Variants in DMRT1 observed in about 807,000 individuals in gnomAD.
DMRT1 encodes doublesex and mab-3 related transcription factor 1.
DMRT1 carries 7 observed loss-of-function variants against 32.3 expected under a neutral mutation model. The observed-to-expected ratio is 0.22, with a 90% confidence interval of 0.12 to 0.41. DMRT1 has a LOEUF of 0.41. Among genes scored for constraint, DMRT1 ranks in the 10% least tolerant of loss-of-function variants. The pLI is 1.00. For missense variants in DMRT1, 625 were observed against 500.5 expected (o/e 1.25, Z -2.37); for synonymous variants, 278 against 206.1 (o/e 1.35, Z -2.99).
At chr9:888,754 A>G (rs190700742) in intron 2 of DMRT1, among the ~76,000 whole-genome samples, 1 of 143,654 alleles carries the variant, frequency 7.0e-6, no homozygotes, top group East Asian at 1.9e-4. Context: ...AAGGTATCTC[A>G]TATTTTTAGG....
intron 2 of DMRT1, among the ~76,000 whole-genome samples, chr9:860,524 C>T (rs1018568): frequency 0.93 from 141,283 of 152,194 alleles, 65,729 homozygotes; most frequent in Middle Eastern, 0.98. Context: ...TATGGCTGCA[C>T]TGAGCCAGAT....
Position 947,464 on chromosome 9 carries a change from C to T in DMRT1, c.968-20521C>T, listed in dbSNP as rs1380291016. Among the ~76,000 whole-genome samples, 3 of 152,154 alleles carry T rather than the reference C, an allele frequency of 2.0e-5. No individual in the cohort carries two copies. In the East Asian group the frequency reaches 5.8e-4, roughly 29 times the overall value. ...TTGCTTCAGAAGTAATCACTCAATT[C>T]TAAATTATCCTCTCTTGTTTTGTAC... On this transcript the variant is annotated intron_variant, in intron 4 of 4. Coordinates refer to ENST00000382276, the MANE Select transcript of DMRT1 (RefSeq NM_021951.3).
intron 4 of DMRT1, among the ~76,000 whole-genome samples, chr9:951,317 G>A (rs1014778468): frequency 6.6e-6 from 1 of 152,176 alleles, no homozygotes; most frequent in African/African-American, 2.4e-5. Flanking sequence ...TAGCTCACTG[G>A]TAAATCACTT....
chr9:943,662 G>T (rs550249795), intron 4 of DMRT1, among the ~76,000 whole-genome samples: 26 of 152,172 alleles, frequency 1.7e-4, no homozygotes, highest in Non-Finnish European at 3.4e-4. Flanking sequence ...ATAGCGAAAT[G>T]GACTTCTTCT....
At chr9:932,139 T>C (rs1386666859) in intron 4 of DMRT1, among the ~76,000 whole-genome samples, 1 of 152,234 alleles carries the variant, frequency 6.6e-6, no homozygotes, top group Non-Finnish European at 1.5e-5. Context: ...AGATTGTTGC[T>C]CTTCTTTTCC....
At chr9:905,672 C>G (rs12378162) in intron 3 of DMRT1, among the ~76,000 whole-genome samples, 99,403 of 151,888 alleles carry the variant, frequency 0.65, 34,480 homozygotes, top group Middle Eastern at 0.79. Flanking sequence ...CAGGTGGACC[C>G]GTGAGGGGAA....
At position 856,959 on chromosome 9, in the gene DMRT1, C is replaced by G. The variant is rs142003230; in HGVS notation, c.538+9816C>G. ...GGTAATTAAAACCCTGCGAGAGTCT[C>G]TCATGACAAGTTTAGATTATGAAGG... On this transcript the variant is annotated intron_variant, in intron 2 of 4. Coordinates refer to ENST00000382276, the MANE Select transcript of DMRT1 (RefSeq NM_021951.3). 9.8e-5 allele frequency among the ~76,000 whole-genome samples: 15 copies of G among 152,334 alleles called. No homozygotes were observed. The East Asian group carries it at 2.7e-3, about 27-fold the overall frequency.
chr9:919,028 G>T (rs543304760), intron 4 of DMRT1, among the ~76,000 whole-genome samples: 5 of 152,148 alleles, frequency 3.3e-5, no homozygotes, highest in Non-Finnish European at 1.5e-5. Context: ...GGGAGGTGGG[G>T]CTGAGGCTAG....
At chr9:864,780 G>T (rs916906900) in intron 2 of DMRT1, among the ~76,000 whole-genome samples, 19 of 152,154 alleles carry the variant, frequency 1.2e-4, no homozygotes, top group Admixed American at 7.9e-4. Context: ...GATTACAGGC[G>T]TGAGCCACCG....
chr9:966,023 G>A (rs1819919996), intron 4 of DMRT1, among the ~76,000 whole-genome samples: 1 of 152,038 alleles, frequency 6.6e-6, no homozygotes, highest in Non-Finnish European at 1.5e-5. Flanking sequence ...TTGGGGGTGG[G>A]GACATTAACG....
At chr9:843,222 C>G (rs539878467) in intron 1 of DMRT1, among the ~76,000 whole-genome samples, 1 of 152,198 alleles carries the variant, frequency 6.6e-6, no homozygotes, top group African/African-American at 2.4e-5. Flanking sequence ...GAGGCTCGGC[C>G]GGCTGCTGCT....
rs182225686 is a variant in DMRT1, at chr9:860,756, C to G, written c.538+13613C>G. Among the ~76,000 whole-genome samples, 231 of 152,338 alleles carry G rather than the reference C, an allele frequency of 1.5e-3. 2 individuals carry two copies. The highest frequency in any genetic ancestry group is 2.7e-3 in the Non-Finnish European group (183 of 68,032). On this transcript the variant is annotated intron_variant, in intron 2 of 4. Coordinates refer to ENST00000382276, the MANE Select transcript of DMRT1 (RefSeq NM_021951.3). Reference sequence around the variant, plus strand: ...GGGTGGTCAAAGAAGGGAGGCCTCTCTAAGGAAGTTAAGTCAGAGCTAGTC... The same window carrying G: ...GGGTGGTCAAAGAAGGGAGGCCTCTGTAAGGAAGTTAAGTCAGAGCTAGTC...
At position 894,045 on chromosome 9, in the gene DMRT1, T is replaced by C; in HGVS notation, c.672T>C (p.Asn224=). ...CGTCTCTGTTTCCTTATTACAACAA[T>C]CTATACAACTGCCCGCAGTACTCCA... is the stretch of plus-strand genomic sequence containing the variant. ...YQPSLFPYYN[N]LYNCPQYSMA... is the part of the protein sequence containing the mutation. The change falls in exon 3 of 5, where the codon AAT becomes AAC. Residue 224 remains asparagine, a synonymous_variant. Coordinates refer to ENST00000382276, the MANE Select transcript of DMRT1 (RefSeq NM_021951.3). The C allele has an allele frequency of 6.2e-7, 1 of 1,614,238 alleles. No homozygotes were observed. Among genetic ancestry groups the C allele is most frequent in the Non-Finnish European group, 8.5e-7 (1 of 1,180,046 alleles).
In DMRT1 at chr9:883,522, C is replaced by T. The variant is rs765683255; in HGVS notation, c.539-10390C>T. On this transcript the variant is annotated intron_variant, in intron 2 of 4. Transcript: ENST00000382276. The stretch of plus-strand genomic sequence containing the variant: ...CCCCAAAAGGAGAGCCCGGGTGCAG[C>T]GACTCACACCTGTAATTCCAGCACT... 5.9e-5 allele frequency among the ~76,000 whole-genome samples: 9 copies of T among 151,672 alleles called. 1 individual carries two copies. In the South Asian group the frequency reaches 1.3e-3, roughly 21 times the overall value.
intron 2 of DMRT1, among the ~76,000 whole-genome samples, chr9:854,694 AG>A (rs57939183): frequency 0.45 from 67,502 of 151,468 alleles, 15,680 homozygotes; most frequent in Non-Finnish European, 0.52. Context: ...ATTAAGAAAA[AG>A]CTTTTCAGAT....
chr9:923,050 T>C (rs1184890977), intron 4 of DMRT1, among the ~76,000 whole-genome samples: 1 of 152,174 alleles, frequency 6.6e-6, no homozygotes, highest in Non-Finnish European at 1.5e-5. Flanking sequence ...AGTCTAGCAG[T>C]GCCTGATTTC....
chr9:885,888 A>G (rs994609542), intron 2 of DMRT1, among the ~76,000 whole-genome samples: 1 of 152,214 alleles, frequency 6.6e-6, no homozygotes, highest in Non-Finnish European at 1.5e-5. Flanking sequence ...AAGCCAGCAC[A>G]TTCTCTTGGA....
chr9:863,470 C>T (rs528803291), intron 2 of DMRT1, among the ~76,000 whole-genome samples: 5 of 152,226 alleles, frequency 3.3e-5, no homozygotes, highest in Admixed American at 6.5e-5. Context: ...GGAAGGGAAC[C>T]CCTCAGCCAA....
At chr9:906,908 C>G (rs1817796965) in intron 3 of DMRT1, among the ~76,000 whole-genome samples, 1 of 152,138 alleles carries the variant, frequency 6.6e-6, no homozygotes, top group African/African-American at 2.4e-5. Flanking sequence ...GGACCAGAAC[C>G]AAGTTATTTG....
Sources: gnomAD v4.1 joint callset for allele counts (sites outside exome capture counted in the v4.1 genomes callset) on GRCh38, gnomAD v4.1.1 for gene constraint, MANE v1.5 for transcripts, NCBI Gene and HGNC (gene_info 2026-07-23, HGNC 2026-07-21) for gene names.